DPY19L1: variants seen among roughly 807,000 people sequenced by gnomAD.
DPY19L1 encodes the protein protein C-mannosyl-transferase DPY19L1.
In DPY19L1, 35 loss-of-function variants were observed where a neutral mutation model predicts 96.9. The observed-to-expected ratio is 0.36, with a 90% confidence interval of 0.28 to 0.48. DPY19L1 has a LOEUF of 0.48. Ranked by LOEUF, DPY19L1 falls within the 20% of genes least tolerant of loss-of-function variation. DPY19L1 has a pLI of 0.99. For missense variants in DPY19L1, 521 were observed against 777.9 expected, an observed-to-expected ratio of 0.67 and a Z score of 3.93; for synonymous variants, 205 against 252.6, an observed-to-expected ratio of 0.81 and a Z score of 1.79.
At position 34,952,615 on chromosome 7, in the gene DPY19L1, T is replaced by C. The variant is rs142637939; in HGVS notation, c.1320+2083A>G. 9.6e-3 allele frequency among the ~76,000 whole-genome samples: 1,465 copies of C among 152,096 alleles called. 19 individuals are homozygous for C. Among genetic ancestry groups the C allele is most frequent in the African/African-American group, 0.032 (1,313 of 41,502 alleles). ...TACAACAAATATTCCTCATGAGTAA[T>C]AGACGAAAAACACCTTAAAAATATT... is the stretch of plus-strand genomic sequence containing the variant. On this transcript the variant is annotated intron_variant, in intron 13 of 21. Coordinates refer to ENST00000638088, the MANE Select transcript of DPY19L1 (RefSeq NM_001366673.1).
rs1319077343 is a variant in DPY19L1 at position 34,937,410 on chromosome 7, G to C, written c.2090+584C>G. Among the ~76,000 whole-genome samples the C allele has an allele frequency of 2.0e-5, 3 of 152,256 alleles. No individual in the cohort carries two copies. The East Asian group carries it at 5.8e-4, about 29-fold the overall frequency. On this transcript the variant is annotated intron_variant, in intron 21 of 21. Transcript: ENST00000638088. ...GCTCAGCTGCCTGACTTCACCAAAA[G>C]AGACTCCCCATTACTTGGTTTCAGA...
In DPY19L1 at chr7:34,930,982, T is replaced by C. The variant is rs1783741098; in HGVS notation, c.*591A>G. The C allele has an allele frequency of 6.6e-6, 1 of 152,110 alleles. No individual in the cohort carries two copies. 9.4% of individuals were successfully genotyped at this position (152,110 alleles called of 1,614,324 possible). On this transcript the variant is annotated 3_prime_UTR_variant, in exon 22 of 22. Transcript: ENST00000638088. ...CACAAGGTCCAAGAGTTTGGATTAA[T>C]AATGGGCAGGAAAAGCTTCATTAAC...
rs536638341 is a variant in DPY19L1 at position 34,969,663 on chromosome 7, A to G, written c.915-131T>C. ...ACACAACCTAAACATAAAATGAACC[A>G]ATGGGTTAGAAATTATACCTCCTGA... On this transcript the variant is annotated intron_variant, in intron 8 of 21. Coordinates refer to ENST00000638088, the MANE Select transcript of DPY19L1 (RefSeq NM_001366673.1). The G allele has an allele frequency of 8.8e-6, 4 of 456,828 alleles. No individual in the cohort carries two copies. The East Asian group carries it at 1.1e-4, about 12-fold the overall frequency. The allele number at this position is 456,828 out of a possible 1,614,324, so 28.3% of individuals were successfully genotyped here.
intron 1 of DPY19L1, among the ~76,000 whole-genome samples, chr7:35,036,477 G>C (rs1786403602): frequency 6.6e-6 from 1 of 151,666 alleles, no homozygotes; most frequent in African/African-American, 2.4e-5. Context: ...GAGGGGAGGA[G>C]AGCCCTCCTC....
chr7:34,977,088 T>C (rs781403175), intron 7 of DPY19L1, among the ~76,000 whole-genome samples: 1 of 152,210 alleles, frequency 6.6e-6, no homozygotes, highest in Non-Finnish European at 1.5e-5. Flanking sequence ...AATTAAGGTA[T>C]GTACATTGTT....
intron 6 of DPY19L1, among the ~76,000 whole-genome samples, chr7:34,996,268 G>C (rs1388552866): frequency 6.6e-6 from 1 of 152,146 alleles, no homozygotes; most frequent in Non-Finnish European, 1.5e-5. Context: ...TCATGTCATT[G>C]TTGCTCTTGG....
intron 13 of DPY19L1, among the ~76,000 whole-genome samples, chr7:34,952,883 CA>C (rs1784297812): frequency 6.6e-6 from 1 of 152,140 alleles, no homozygotes; most frequent in African/African-American, 2.4e-5. Context: ...ATGTGGGAAG[CA>C]TTCATTCATA....
chr7:34,930,359 T>A lies in DPY19L1; in HGVS notation c.*1214A>T, dbSNP rs1221281329. The A allele has an allele frequency of 6.6e-6, 1 of 152,062 alleles. No homozygotes were observed. Among genetic ancestry groups the A allele is most frequent in the Non-Finnish European group, 1.5e-5 (1 of 67,984 alleles). The allele number at this position is 152,062 out of a possible 1,614,324, so 9.4% of individuals were successfully genotyped here. A position where few individuals can be genotyped will look rare whatever the true frequency, so the allele number is the denominator to read the frequency against. ...AAGAAGGTGTAGAAATTTTTCAAAATAAAAATAAATAGGAAGAAAAAAACT... is the reference window on the plus strand; with the variant it reads ...AAGAAGGTGTAGAAATTTTTCAAAAAAAAAATAAATAGGAAGAAAAAAACT... On this transcript the variant is annotated 3_prime_UTR_variant, in exon 22 of 22. Coordinates refer to ENST00000638088, the MANE Select transcript of DPY19L1 (RefSeq NM_001366673.1).
rs974244455 is a variant in DPY19L1, at chr7:34,957,105, G to A, written c.1179+879C>T. On this transcript the variant is annotated intron_variant, in intron 11 of 21. Coordinates refer to ENST00000638088, the MANE Select transcript of DPY19L1 (RefSeq NM_001366673.1). ...GACTTACAAAGTCATCCTGCCAGCCGGGCATGGTGGCTCACGCCTGTAATC... is the reference window on the plus strand; with the variant it reads ...GACTTACAAAGTCATCCTGCCAGCCAGGCATGGTGGCTCACGCCTGTAATC... Among the ~76,000 whole-genome samples, 5 of 152,042 alleles carry A rather than the reference G, an allele frequency of 3.3e-5. No homozygotes were observed. In the East Asian group the frequency reaches 5.8e-4, roughly 18 times the overall value.
chr7:35,010,483 T>C lies in DPY19L1; in HGVS notation c.749A>G (p.Tyr250Cys), dbSNP rs1465170706. 6.3e-7 allele frequency: 1 copy of C among 1,582,476 alleles called. No individual in the cohort carries two copies. The highest frequency in any genetic ancestry group is 1.4e-5 in the African/African-American group (1 of 73,946). Residue 250 changes from tyrosine to cysteine, a missense_variant, in exon 6 of 22, where the codon TAT becomes TGT. Transcript: ENST00000638088. ...ATATTCTTACCTTAAATATGTGCCA[T>C]ATATGAAGAATAATGCCATCATTAG... ...NGLMMALFFI[Y>C]GTYLSGSRLG...
chr7:34,938,167 A>G (rs775834694), intron 20 of DPY19L1, 48 bp from the exon 21 acceptor site: 3 of 1,563,582 alleles, frequency 1.9e-6, no homozygotes, highest in African/African-American at 2.7e-5. Flanking sequence ...CTAAAACGAT[A>G]CAATAACACA....
chr7:34,998,753 C>T (rs1785353227), intron 6 of DPY19L1, among the ~76,000 whole-genome samples: 2 of 152,332 alleles, frequency 1.3e-5, no homozygotes, highest in South Asian at 4.1e-4. Flanking sequence ...TTCCAACCAG[C>T]TCCTCATTCT....
chr7:34,961,487 AAACT>A (rs1486790758), intron 10 of DPY19L1, among the ~76,000 whole-genome samples: 6 of 152,230 alleles, frequency 3.9e-5, no homozygotes, highest in Non-Finnish European at 2.9e-5. Flanking sequence ...CCCTTCATGA[AAACT>A]AACTCAAAAC....
intron 10 of DPY19L1, 127 bp downstream of exon 10, chr7:34,966,767 C>T: frequency 3.3e-6 from 3 of 921,212 alleles, no homozygotes; most frequent in Middle Eastern, 2.3e-4. Flanking sequence ...GATTATATCA[C>T]AATGTTTGAA....
chr7:35,023,189 G>A lies in DPY19L1; in HGVS notation c.299-4593C>T, dbSNP rs189995024. Among the ~76,000 whole-genome samples, 162 of 152,208 alleles carry A rather than the reference G, an allele frequency of 1.1e-3. 1 individual carries two copies. The highest frequency in any genetic ancestry group is 3.4e-3 in the Middle Eastern group (1 of 294). On this transcript the variant is annotated intron_variant, in intron 1 of 21. Transcript: ENST00000638088. ...CTCATTCCATCTCCCACCAGCACCC[G>A]GGCCCCCACCTGCTCTTACCCCTTC...
intron 7 of DPY19L1, among the ~76,000 whole-genome samples, chr7:34,980,004 T>C (rs1784906270): frequency 6.6e-6 from 1 of 152,120 alleles, no homozygotes; most frequent in Non-Finnish European, 1.5e-5. Context: ...TATGAGATAT[T>C]GAACTTATAA....
rs542540473 is a variant in DPY19L1, at chr7:35,013,456, A to G, written c.549+112T>C. ...TCCACAAGATACATATTTTCTTTTA[A>G]AAAATTAAATACAATTTAATATATT... On this transcript the variant is annotated intron_variant, in intron 4 of 21. Coordinates refer to ENST00000638088, the MANE Select transcript of DPY19L1 (RefSeq NM_001366673.1). The G allele has an allele frequency of 8.1e-5, 67 of 823,748 alleles. No homozygotes were observed. The African/African-American group carries it at 1.1e-3, about 14-fold the overall frequency. The allele number at this position is 823,748 out of a possible 1,614,324, so 51.0% of individuals were successfully genotyped here.
At position 35,017,974 on chromosome 7, in the gene DPY19L1, A is replaced by G; in HGVS notation, c.324-5T>C. 6.3e-7 allele frequency: 1 copy of G among 1,593,730 alleles called. No individual in the cohort carries two copies. The highest frequency in any genetic ancestry group is 8.6e-7 in the Non-Finnish European group (1 of 1,168,286). On this transcript the variant is annotated splice_polypyrimidine_tract_variant and splice_region_variant and intron_variant, in intron 2 of 21. Coordinates refer to ENST00000638088, the MANE Select transcript of DPY19L1 (RefSeq NM_001366673.1). ...AAGAGGTGTGTTATATGGCTCCTGGAAAAACAAAACAAAGCAATAGTGTTA... is the reference window on the plus strand; with the variant it reads ...AAGAGGTGTGTTATATGGCTCCTGGGAAAACAAAACAAAGCAATAGTGTTA...
At position 34,940,095 on chromosome 7, in the gene DPY19L1, A is replaced by G. The variant is rs114622245; in HGVS notation, c.1864+58T>C. On this transcript the variant is annotated intron_variant, in intron 19 of 21. Coordinates refer to ENST00000638088, the MANE Select transcript of DPY19L1 (RefSeq NM_001366673.1). ...GTTTAAGAGTTTGCAGTGGTATATA[A>G]AATTGTGGGAAAAACAGCTAAATAA... 0.011 allele frequency: 15,777 copies of G among 1,412,700 alleles called. 1,493 individuals carry two copies. In the African/African-American group the frequency reaches 0.2, roughly 18 times the overall value. The allele number at this position is 1,412,700 out of a possible 1,614,324, so 87.5% of individuals were successfully genotyped here. A position where few individuals can be genotyped will look rare whatever the true frequency, so the allele number is the denominator to read the frequency against.
Sources: allele counts gnomAD v4.1 joint callset (sites outside exome capture counted in the v4.1 genomes callset), GRCh38; gene constraint gnomAD v4.1.1; transcripts MANE v1.5; gene names NCBI Gene and HGNC (gene_info 2026-07-23, HGNC 2026-07-21).